The following POTED variants were observed in gnomAD, a reference collection of about 807,000 sequenced individuals.
POTED encodes ANKRD26-like family B member 3.
Under a neutral mutation model 19.0 loss-of-function variants are expected in POTED, and 7 were observed. That is an observed-to-expected ratio of 0.37 (90% CI 0.21 to 0.69). The LOEUF is 0.69. Ranked by LOEUF, POTED falls within the 30% of genes least tolerant of loss-of-function variation. POTED has a pLI of 0.56. For synonymous variants in POTED, 16 were observed against 92.0 expected (o/e 0.17, Z 4.73); for missense variants, 54 against 278.5 (o/e 0.19, Z 5.74).
rs1205331324 is a variant in POTED at position 13,641,564 on chromosome 21, T to C, written c.1753T>C (p.Ter585GlnextTer6). 7.7e-6 allele frequency: 4 copies of C among 521,624 alleles called. 2 individuals are homozygous for C. In the South Asian group the frequency reaches 7.9e-5, roughly 10 times the overall value. The allele number at this position is 521,624 out of a possible 1,614,324, so 32.3% of individuals were successfully genotyped here. Residue 585 changes from the stop codon to glutamine, a stop_lost, in exon 11 of 11, where the codon TAA (stop) becomes CAA (glutamine). Transcript: ENST00000299443. ...AGAAGCATTAACGAAAACCAATATTTAAGTACAGTGGACAGCTTAGGATTT... is the reference window on the plus strand; with the variant it reads ...AGAAGCATTAACGAAAACCAATATTCAAGTACAGTGGACAGCTTAGGATTT... ...NEEALTKTNI[*>Q]
At position 13,612,359 on chromosome 21, in the gene POTED, A is replaced by G. The variant is rs1238826890; in HGVS notation, c.521+1610A>G. Among the ~76,000 whole-genome samples the G allele has an allele frequency of 2.6e-5, 2 of 76,792 alleles. 1 individual carries two copies. The highest frequency in any genetic ancestry group is 2.1e-4 in the African/African-American group (2 of 9,664). 50.4% of individuals were successfully genotyped at this position (76,792 alleles called of 152,430 possible). A position where few individuals can be genotyped will look rare whatever the true frequency, so the allele number is the denominator to read the frequency against. On this transcript the variant is annotated intron_variant, in intron 1 of 10. Transcript: ENST00000299443. ...GTGGCATGCACCTGTAATCCTAGCT[A>G]CTCAGGAGGCTGAGGCAGGAGAATT...
At chr21:13,639,780 A>C in intron 10 of POTED, 142 bp downstream of exon 10, 1 of 415,328 alleles carries the variant, frequency 2.4e-6, no homozygotes, top group Non-Finnish European at 3.4e-6. Context: ...GTGTATATAT[A>C]TACACACACA....
At position 13,610,426 on chromosome 21, in the gene POTED, C is replaced by T. The variant is rs1568895663; in HGVS notation, c.198C>T (p.Arg66=). The T allele has an allele frequency of 4.1e-6, 4 of 985,806 alleles. 1 individual carries two copies. Among genetic ancestry groups the T allele is most frequent in the Non-Finnish European group, 5.2e-6 (4 of 767,486 alleles). 61.1% of individuals were successfully genotyped at this position (985,806 alleles called of 1,614,324 possible). The change falls in exon 1 of 11, where the codon CGC becomes CGT. Residue 66 remains arginine, a synonymous_variant. Transcript: ENST00000299443. ...MLRSKMGKCC[R]HCFPCCRGSG... is the part of the protein sequence containing the mutation. The stretch of plus-strand genomic sequence containing the variant: ...GGAGCAAGATGGGCAAGTGTTGCCG[C>T]CACTGCTTCCCCTGCTGCAGGGGGA...
chr21:13,613,054 G>A (rs2011146717), intron 1 of POTED, among the ~76,000 whole-genome samples: 1 of 75,198 alleles, frequency 1.3e-5, no homozygotes, highest in Non-Finnish European at 2.3e-5. Context: ...CATTAGTAAT[G>A]AAATAATCCT....
rs1367233527 is a variant in POTED, at chr21:13,636,992, G to GTATATATATATATATATATA, written c.1410-2510_1410-2509insATATATATATATATATATAT. ...TCCTTTATGAATTACCCAGTCTCAGGTATATATATATATTTTTTTTTTTTT... is the reference window on the plus strand; with the variant it reads ...TCCTTTATGAATTACCCAGTCTCAGGTATATATATATATATATATATATATATATATATTTTTTTTTTTTT... On this transcript the variant is annotated intron_variant, in intron 9 of 10. Transcript: ENST00000299443. Among the ~76,000 whole-genome samples the GTATATATATATATATATATA allele has an allele frequency of 5.8e-3, 76 of 13,040 alleles. 13 individuals are homozygous for GTATATATATATATATATATA. Among genetic ancestry groups the GTATATATATATATATATATA allele is most frequent in the South Asian group, 9.3e-3 (6 of 648 alleles). 8.6% of individuals were successfully genotyped at this position (13,040 alleles called of 152,430 possible).
Position 13,616,188 on chromosome 21 carries a change from T to A in POTED, c.810+618T>A, listed in dbSNP as rs376328281. ...TGTGTGTGTTGTTACTGTTGTTCAT[T>A]CATTTGTTTCCTTTATATGGTGAGA... On this transcript the variant is annotated intron_variant, in intron 3 of 10. Transcript: ENST00000299443. 1.5e-3 allele frequency among the ~76,000 whole-genome samples: 138 copies of A among 91,166 alleles called. 20 individuals are homozygous for A. Among genetic ancestry groups the A allele is most frequent in the South Asian group, 8.2e-3 (23 of 2,800 alleles). 59.8% of individuals were successfully genotyped at this position (91,166 alleles called of 152,430 possible).
Position 13,636,540 on chromosome 21 carries a change from T to C in POTED, c.1410-2975T>C, listed in dbSNP as rs552111947. 1.1e-4 allele frequency among the ~76,000 whole-genome samples: 9 copies of C among 81,930 alleles called. 3 individuals carry two copies. Among genetic ancestry groups the C allele is most frequent in the Non-Finnish European group, 1.9e-4 (9 of 46,442 alleles). 53.7% of individuals were successfully genotyped at this position (81,930 alleles called of 152,430 possible). A position where few individuals can be genotyped will look rare whatever the true frequency, so the allele number is the denominator to read the frequency against. On this transcript the variant is annotated intron_variant, in intron 9 of 10. Transcript: ENST00000299443. ...AGCTTTTTATATTTTTACTAAATAC[T>C]AGGCTAAAAGTGAAGAAAATTTACC...
rs1298172365 is a variant in POTED at position 13,637,291 on chromosome 21, G to GT, written c.1410-2216dup. Among the ~76,000 whole-genome samples, 9 of 71,866 alleles carry GT rather than the reference G, an allele frequency of 1.3e-4. 3 individuals carry two copies. In the East Asian group the frequency reaches 3.2e-3, roughly 25 times the overall value. The allele number at this position is 71,866 out of a possible 152,430, so 47.1% of individuals were successfully genotyped here. On this transcript the variant is annotated intron_variant, in intron 9 of 10. Coordinates refer to ENST00000299443, the MANE Select transcript of POTED (RefSeq NM_174981.6). ...CACCACATCCACACCAACATCTGCT[G>GT]TTTTTTTTATTTTAGTAGTGACCAT... is the stretch of plus-strand genomic sequence containing the variant.
In POTED at chr21:13,644,852, GC is replaced by G. The variant is rs2011299635; in HGVS notation, c.*3287del. The G allele has an allele frequency of 1.6e-5, 1 of 63,930 alleles. No homozygotes were observed. The highest frequency in any genetic ancestry group is 5.1e-4 in the East Asian group (1 of 1,968). The allele number at this position is 63,930 out of a possible 1,614,324, so 4.0% of individuals were successfully genotyped here. On this transcript the variant is annotated 3_prime_UTR_variant, in exon 11 of 11. Transcript: ENST00000299443. ...ATTATGAATATTATTGTATGTGTGG[GC>G]ACCTGAGAGTGCCCTGTAAGCAGGT...
intron 9 of POTED, among the ~76,000 whole-genome samples, chr21:13,636,992 G>GTATATATATATATATA (rs1367233527): frequency 2.3e-4 from 3 of 13,094 alleles, no homozygotes; most frequent in Non-Finnish European, 3.7e-4. Flanking sequence ...CCAGTCTCAG[G>GTATATATATATATATA]TATATATATA....
At chr21:13,626,866 A>G in intron 6 of POTED, among the ~76,000 whole-genome samples, 1 of 12,780 alleles carries the variant, frequency 7.8e-5, no homozygotes. Context: ...GACAGGCTTT[A>G]TTTTCATTCT....
rs764638529 is a variant in POTED at position 13,610,598 on chromosome 21, G to A, written c.370G>A (p.Asp124Asn). 12 of 1,076,574 alleles carry A rather than the reference G, an allele frequency of 1.1e-5. 4 individuals are homozygous for A. Among genetic ancestry groups the A allele is most frequent in the Admixed American group, 4.8e-5 (2 of 41,734 alleles). 66.7% of individuals were successfully genotyped at this position (1,076,574 alleles called of 1,614,324 possible). A position where few individuals can be genotyped will look rare whatever the true frequency, so the allele number is the denominator to read the frequency against. ...CAACGTGGGCGCTTGGGGAGACTAC[G>A]ACCACAGCGCCTTCATGGAGCCGAG... is the stretch of plus-strand genomic sequence containing the variant. The part of the protein sequence containing the change: ...KSNVGAWGDY[D>N]HSAFMEPRYH... The change falls in exon 1 of 11, where the codon GAC becomes AAC. Residue 124 changes from aspartate to asparagine, a missense_variant. Physicochemically the swap from Asp to Asn is conservative, Grantham distance 23. Coordinates refer to ENST00000299443, the MANE Select transcript of POTED (RefSeq NM_174981.6).
chr21:13,640,542 G>A lies in POTED; in HGVS notation c.1534-803G>A, dbSNP rs576474607. On this transcript the variant is annotated intron_variant, in intron 10 of 10. Coordinates refer to ENST00000299443, the MANE Select transcript of POTED (RefSeq NM_174981.6). ...TATATACGTGTGTGTGTGTGTGTGT[G>A]TGTGTGTGTTTGTGTGTGTGTATTC... Among the ~76,000 whole-genome samples the A allele has an allele frequency of 2.6e-4, 21 of 82,352 alleles. 6 individuals are homozygous for A. In the South Asian group the frequency reaches 2.7e-3, roughly 11 times the overall value. 54.0% of individuals were successfully genotyped at this position (82,352 alleles called of 152,430 possible).
At position 13,613,109 on chromosome 21, in the gene POTED, C is replaced by G. The variant is rs1249155167; in HGVS notation, c.522-2014C>G. On this transcript the variant is annotated intron_variant, in intron 1 of 10. Coordinates refer to ENST00000299443, the MANE Select transcript of POTED (RefSeq NM_174981.6). ...CTACTTGCATAGATACAAATAATTT[C>G]TCACATTCTGTTATTTATTTTTATA... Among the ~76,000 whole-genome samples, 2 of 79,490 alleles carry G rather than the reference C, an allele frequency of 2.5e-5. 1 individual carries two copies. Among genetic ancestry groups the G allele is most frequent in the Non-Finnish European group, 4.4e-5 (2 of 45,568 alleles). The allele number at this position is 79,490 out of a possible 152,430, so 52.1% of individuals were successfully genotyped here.
In POTED at chr21:13,610,754, C is replaced by A; in HGVS notation, c.521+5C>A. ...CAAGAGGGACAAGGAAAAGAGGTAA[C>A]CGGGCCTGGGATGGGAGGAGGCAGG... is the stretch of plus-strand genomic sequence containing the variant. On this transcript the variant is annotated splice_donor_5th_base_variant and intron_variant, in intron 1 of 10. Transcript: ENST00000299443. 9.3e-7 allele frequency: 1 copy of A among 1,073,896 alleles called. No individual in the cohort carries two copies. The highest frequency in any genetic ancestry group is 1.2e-6 in the Non-Finnish European group (1 of 831,024). The allele number at this position is 1,073,896 out of a possible 1,614,324, so 66.5% of individuals were successfully genotyped here. A position where few individuals can be genotyped will look rare whatever the true frequency, so the allele number is the denominator to read the frequency against.
chr21:13,616,250 A>G, intron 3 of POTED, among the ~76,000 whole-genome samples: 1 of 36,380 alleles, frequency 2.7e-5, no homozygotes, highest in Non-Finnish European at 4.7e-5. Context: ...GACAGTTTTC[A>G]GTTTGGGAGA....
chr21:13,634,359 A>G lies in POTED; in HGVS notation c.1409+3252A>G, dbSNP rs564670864. ...TTTTTAAAAACTTCCCTTTTCATCA[A>G]TTCTTAACTCAGTGGATGTATTTAA... On this transcript the variant is annotated intron_variant, in intron 9 of 10. Transcript: ENST00000299443. 2.4e-5 allele frequency among the ~76,000 whole-genome samples: 2 copies of G among 82,036 alleles called. 1 individual carries two copies. The highest frequency in any genetic ancestry group is 4.3e-5 in the Non-Finnish European group (2 of 46,150). 53.8% of individuals were successfully genotyped at this position (82,036 alleles called of 152,430 possible).
Position 13,645,616 on chromosome 21 carries a change from C to CT in POTED, c.*4051dup, listed in dbSNP as rs2011309688. Among the ~76,000 whole-genome samples, 1 of 101,328 alleles carries CT rather than the reference C, an allele frequency of 9.9e-6. No homozygotes were observed. Among genetic ancestry groups the CT allele is most frequent in the Non-Finnish European group, 1.9e-5 (1 of 51,934 alleles). The allele number at this position is 101,328 out of a possible 152,430, so 66.5% of individuals were successfully genotyped here. Reference sequence around the variant, plus strand: ...GGAAAGAAAAGACCACCACCAGCCACTACAGAAACACACTGAAGTACACAG... The same window carrying CT: ...GGAAAGAAAAGACCACCACCAGCCACTTACAGAAACACACTGAAGTACACAG... On this transcript the variant is annotated 3_prime_UTR_variant, in exon 11 of 11. Transcript: ENST00000299443.
In POTED at chr21:13,636,612, T is replaced by C. The variant is rs1362649815; in HGVS notation, c.1410-2903T>C. On this transcript the variant is annotated intron_variant, in intron 9 of 10. Transcript: ENST00000299443. Reference sequence around the variant, plus strand: ...AAATCATTACTAATAAAAATTGCTATCTTTGAAATATAAATAATGACATTT... The same window carrying C: ...AAATCATTACTAATAAAAATTGCTACCTTTGAAATATAAATAATGACATTT... Among the ~76,000 whole-genome samples the C allele has an allele frequency of 2.5e-5, 2 of 78,984 alleles. 1 individual carries two copies. Among genetic ancestry groups the C allele is most frequent in the African/African-American group, 2.0e-4 (2 of 10,180 alleles). 51.8% of individuals were successfully genotyped at this position (78,984 alleles called of 152,430 possible).
Sources: gnomAD v4.1 joint callset for allele counts (sites outside exome capture counted in the v4.1 genomes callset) on GRCh38, gnomAD v4.1.1 for gene constraint, MANE v1.5 for transcripts, NCBI Gene and HGNC (gene_info 2026-07-23, HGNC 2026-07-21) for gene names.